PRKAG2: variants seen among roughly 807,000 people sequenced by gnomAD.
PRKAG2 encodes protein kinase AMP-activated non-catalytic subunit gamma 2, also known as 5'-AMP-activated protein kinase subunit gamma-2.
Under a neutral mutation model 69.6 loss-of-function variants are expected in PRKAG2, and 26 were observed. The ratio of observed to expected loss-of-function variants is 0.37; its 90% CI spans 0.27 to 0.52. The LOEUF (loss-of-function observed/expected upper bound fraction) is 0.52. Among genes scored for constraint, PRKAG2 ranks in the 20% least tolerant of loss-of-function variants. PRKAG2 has a pLI of 0.90. For synonymous variants in PRKAG2, 293 were observed against 285.0 expected, an observed-to-expected ratio of 1.03 and a Z score of -0.28; for missense variants, 557 against 740.0, an observed-to-expected ratio of 0.75 and a Z score of 2.87.
chr7:151,803,093 G>T (rs1480167131), intron 1 of PRKAG2, among the ~76,000 whole-genome samples: 1 of 151,988 alleles, frequency 6.6e-6, no homozygotes, highest in African/African-American at 2.4e-5. Context: ...GAGTAGCTGG[G>T]ATTACAGGTA....
intron 1 of PRKAG2, among the ~76,000 whole-genome samples, chr7:151,840,607 C>A (rs1283148188): frequency 1.3e-5 from 2 of 152,230 alleles, no homozygotes; most frequent in African/African-American, 4.8e-5. Context: ...TGGCTTCTGT[C>A]AGTTCACTGC....
intron 1 of PRKAG2, among the ~76,000 whole-genome samples, chr7:151,869,020 T>C (rs1353675806): frequency 6.6e-6 from 1 of 152,126 alleles, no homozygotes; most frequent in African/African-American, 2.4e-5. Flanking sequence ...GCCAGTCTAG[T>C]GTTCAGCACA....
At chr7:151,558,664 C>CG in intron 15 of PRKAG2, 1 of 982,176 alleles carries the variant, frequency 1.0e-6, no homozygotes, top group Non-Finnish European at 1.2e-6. Context: ...TTTTCCTCAA[C>CG]AAATCGTGTT....
At chr7:151,560,499 C>T (rs772508879) in intron 15 of PRKAG2, 25 bp downstream of exon 15, 11 of 1,613,846 alleles carry the variant, frequency 6.8e-6, no homozygotes, top group Non-Finnish European at 9.3e-6. Context: ...ACGCCGATGG[C>T]AAAGGTCAGA....
intron 3 of PRKAG2, among the ~76,000 whole-genome samples, chr7:151,695,878 AG>A (rs1836539868): frequency 6.6e-6 from 1 of 152,176 alleles, no homozygotes; most frequent in Admixed American, 6.5e-5. Context: ...CTCTGTAGAC[AG>A]GTGGAAACCG....
At chr7:151,624,420 G>C (rs1032024519) in intron 5 of PRKAG2, among the ~76,000 whole-genome samples, 4 of 151,962 alleles carry the variant, frequency 2.6e-5, no homozygotes, top group Non-Finnish European at 4.4e-5. Flanking sequence ...CAAAGTGCTG[G>C]GATTACGGGG....
rs2080199265 is a variant in PRKAG2, at chr7:151,870,652, C to T, written c.114+5855G>A. Among the ~76,000 whole-genome samples the T allele has an allele frequency of 2.0e-5, 3 of 152,190 alleles. No homozygotes were observed. The South Asian group carries it at 6.2e-4, about 31-fold the overall frequency. On this transcript the variant is annotated intron_variant, in intron 1 of 15. Transcript: ENST00000287878. ...AGCCCCGGGGCAGGACGGGGCTCCC[C>T]TTCCCACCCTCATCCTGGAGTTCCC...
At chr7:151,605,906 C>T (rs1039032599) in intron 5 of PRKAG2, among the ~76,000 whole-genome samples, 39 of 147,842 alleles carry the variant, frequency 2.6e-4, no homozygotes, top group African/African-American at 9.0e-4. Flanking sequence ...CCACTGCACT[C>T]CAGCCTGGCG....
In PRKAG2 at chr7:151,788,595, T is replaced by C. The variant is rs2077125764; in HGVS notation, c.115-2054A>G. On this transcript the variant is annotated intron_variant, in intron 1 of 15. Coordinates refer to ENST00000287878, the MANE Select transcript of PRKAG2 (RefSeq NM_016203.4). The surrounding 1 kb of genome is among the most constrained non-coding windows in gnomAD (Gnocchi z 4.6). ...TATCAGATACATGACTTGCAAATAT[T>C]TTCCTCCATTCTGTGGGTTGCCTTT... is the stretch of plus-strand genomic sequence containing the variant. Among the ~76,000 whole-genome samples the C allele has an allele frequency of 6.6e-6, 1 of 152,252 alleles. No individual in the cohort carries two copies. Among genetic ancestry groups the C allele is most frequent in the Non-Finnish European group, 1.5e-5 (1 of 68,050 alleles).
intron 1 of PRKAG2, among the ~76,000 whole-genome samples, chr7:151,827,762 A>AAAAC (rs2078938879): frequency 6.7e-6 from 1 of 149,408 alleles, no homozygotes; most frequent in Non-Finnish European, 1.5e-5. Flanking sequence ...AAAAAAAAAA[A>AAAAC]AAAAAAAAAA....
intron 5 of PRKAG2, among the ~76,000 whole-genome samples, chr7:151,605,404 A>G (rs898415419): frequency 6.6e-6 from 1 of 152,058 alleles, no homozygotes; most frequent in African/African-American, 2.4e-5. Context: ...AACAAAAATA[A>G]AATTTATAAT....
chr7:151,741,706 T>G (rs781211842), intron 3 of PRKAG2, among the ~76,000 whole-genome samples: 6 of 151,784 alleles, frequency 4.0e-5, no homozygotes, highest in Non-Finnish European at 8.8e-5. Context: ...ATTTCAAAGT[T>G]TAGTGACTGA....
chr7:151,628,235 G>A (rs930399306), intron 5 of PRKAG2, among the ~76,000 whole-genome samples: 3 of 152,134 alleles, frequency 2.0e-5, no homozygotes, highest in African/African-American at 4.8e-5. Flanking sequence ...TATTAATCAC[G>A]GATAAAACTG....
At position 151,644,353 on chromosome 7, in the gene PRKAG2, C is replaced by G. The variant is rs140469814; in HGVS notation, c.685-12215G>C. Reference sequence around the variant, plus strand: ...TGCTCATGCTCCTTTGTGGTTCACCCCTTCTTCAAGGCAACCACTGATCTA... The same window carrying G: ...TGCTCATGCTCCTTTGTGGTTCACCGCTTCTTCAAGGCAACCACTGATCTA... On this transcript the variant is annotated intron_variant, in intron 4 of 15. Coordinates refer to ENST00000287878, the MANE Select transcript of PRKAG2 (RefSeq NM_016203.4). Among the ~76,000 whole-genome samples, 769 of 152,248 alleles carry G rather than the reference C, an allele frequency of 5.1e-3. 8 individuals are homozygous for G. The highest frequency in any genetic ancestry group is 0.017 in the African/African-American group (713 of 41,548).
At chr7:151,694,671 C>T (rs1836291188) in intron 3 of PRKAG2, among the ~76,000 whole-genome samples, 1 of 152,256 alleles carries the variant, frequency 6.6e-6, no homozygotes, top group Non-Finnish European at 1.5e-5. Flanking sequence ...CATCTACACA[C>T]AGCACGGAGG....
intron 1 of PRKAG2, among the ~76,000 whole-genome samples, chr7:151,808,627 T>C (rs1201287377): frequency 6.6e-6 from 1 of 151,482 alleles, no homozygotes; most frequent in African/African-American, 2.4e-5. Context: ...ACATCTTTTC[T>C]CCCCAGTCAG....
intron 15 of PRKAG2, chr7:151,559,898 C>G: frequency 1.0e-6 from 1 of 985,326 alleles, no homozygotes. Context: ...AAGCCCACCT[C>G]TTACTACTGA....
At chr7:151,655,304 C>T (rs1274889175) in intron 4 of PRKAG2, among the ~76,000 whole-genome samples, 1 of 152,108 alleles carries the variant, frequency 6.6e-6, no homozygotes, top group African/African-American at 2.4e-5. Flanking sequence ...TTCAAAATAG[C>T]CTATTAGATA....
chr7:151,650,657 A>T (rs1396462556), intron 4 of PRKAG2, among the ~76,000 whole-genome samples: 1 of 152,106 alleles, frequency 6.6e-6, no homozygotes, highest in African/African-American at 2.4e-5. Context: ...TTTACCCACC[A>T]TTGCTTTTCC....
Sources: allele counts gnomAD v4.1 joint callset (sites outside exome capture counted in the v4.1 genomes callset), GRCh38; gene constraint gnomAD v4.1.1; non-coding constraint Gnocchi (gnomAD v3.1); transcripts MANE v1.5; gene names NCBI Gene and HGNC (gene_info 2026-07-23, HGNC 2026-07-21).